The following TRHDE variants were observed in gnomAD, a reference collection of about 807,000 sequenced individuals.
TRHDE encodes the protein thyrotropin releasing hormone degrading enzyme, also known as thyrotropin-releasing hormone-degrading ectoenzyme.
TRHDE carries 72 observed loss-of-function variants against 125.7 expected under a neutral mutation model. The ratio of observed to expected loss-of-function variants is 0.57; its 90% confidence interval spans 0.47 to 0.70. The LOEUF is 0.70. Among genes scored for constraint, TRHDE ranks in the 30% least tolerant of loss-of-function variants. The probability of loss-of-function intolerance (pLI) is 0.00; values close to 1 mark genes in which losing one functional copy is unlikely to be tolerated. For missense variants in TRHDE, 1,110 were observed against 1,327.1 expected (o/e 0.84, Z 2.54); for synonymous variants, 509 against 509.1 (o/e 1.00, Z 0.00).
intron 3 of TRHDE, among the ~76,000 whole-genome samples, chr12:72,401,558 A>C (rs1049802041): frequency 1.3e-5 from 2 of 152,244 alleles, no homozygotes; most frequent in African/African-American, 2.4e-5. Context: ...AATTAAAATG[A>C]ACAAGTTCAC....
At position 72,568,624 on chromosome 12, in the gene TRHDE, C is replaced by T. The variant is rs1278436784; in HGVS notation, c.2099C>T (p.Ser700Leu). 12 of 1,611,382 alleles carry T rather than the reference C, an allele frequency of 7.4e-6. No individual in the cohort carries two copies. Among genetic ancestry groups the T allele is most frequent in the Non-Finnish European group, 8.5e-6 (10 of 1,178,274 alleles). Residue 700 changes from serine to leucine, a missense_variant, in exon 10 of 19, where the codon TCA becomes TTA. Physicochemically the swap from Ser to Leu is moderately radical, Grantham distance 145 (BLOSUM62 -2). Coordinates refer to ENST00000261180, the MANE Select transcript of TRHDE (RefSeq NM_013381.3). ...GTAGGAAATAGAAGCCATGTGTCTT[C>T]AGAAGCAATTATTTGGGTGTCTAAC... ...IVVGNRSHVS[S>L]EAIIWVSNKS...
intron 2 of TRHDE, among the ~76,000 whole-genome samples, chr12:72,348,607 C>G (rs1870440533): frequency 6.6e-6 from 1 of 151,976 alleles, no homozygotes; most frequent in Admixed American, 6.6e-5. Flanking sequence ...GAAGCTAGGA[C>G]TTCTTTCCCA....
chr12:72,403,298 T>G (rs1326722559), intron 3 of TRHDE, among the ~76,000 whole-genome samples: 3 of 152,204 alleles, frequency 2.0e-5, no homozygotes, highest in African/African-American at 4.8e-5. Flanking sequence ...GAAGGTGATG[T>G]GAGAAATACA....
At chr12:72,181,696 C>A (rs1877099649) in intron 2 of TRHDE, among the ~76,000 whole-genome samples, 1 of 151,956 alleles carries the variant, frequency 6.6e-6, no homozygotes, top group Non-Finnish European at 1.5e-5. Flanking sequence ...AGACTAGTTT[C>A]TACAATCATT....
At chr12:72,544,779 T>C (rs887184649) in intron 7 of TRHDE, among the ~76,000 whole-genome samples, 1 of 151,590 alleles carries the variant, frequency 6.6e-6, no homozygotes, top group Non-Finnish European at 1.5e-5. Flanking sequence ...TATATGTGTG[T>C]GTGTATATGT....
intron 3 of TRHDE, among the ~76,000 whole-genome samples, chr12:72,454,932 G>A (rs1875769439): frequency 6.6e-6 from 1 of 151,984 alleles, no homozygotes; most frequent in Non-Finnish European, 1.5e-5. Flanking sequence ...TATCCTTCAA[G>A]ATTTATTTGC....
intron 2 of TRHDE, among the ~76,000 whole-genome samples, chr12:72,145,680 C>T (rs932103722): frequency 2.0e-5 from 3 of 152,112 alleles, no homozygotes; most frequent in Non-Finnish European, 2.9e-5. Context: ...CTTCAAAGAC[C>T]GAATCCTTTC....
chr12:72,298,849 T>C (rs1419456189), intron 2 of TRHDE, among the ~76,000 whole-genome samples: 1 of 152,202 alleles, frequency 6.6e-6, no homozygotes, highest in Non-Finnish European at 1.5e-5. Flanking sequence ...TCTGTTTTCC[T>C]GTTTCATTAA....
intron 2 of TRHDE, among the ~76,000 whole-genome samples, chr12:72,129,770 CAA>C (rs768410905): frequency 2.0e-5 from 3 of 152,082 alleles, no homozygotes; most frequent in African/African-American, 2.4e-5. Context: ...ATAGACAACC[CAA>C]GAGAGGTCAG....
intron 6 of TRHDE, among the ~76,000 whole-genome samples, chr12:72,502,526 T>C (rs1238263785): frequency 6.6e-6 from 1 of 152,174 alleles, no homozygotes; most frequent in Non-Finnish European, 1.5e-5. Context: ...ATACTCTGTA[T>C]GTCTTGAATC....
At chr12:72,297,536 G>A (rs1880347741) in intron 2 of TRHDE, among the ~76,000 whole-genome samples, 1 of 152,162 alleles carries the variant, frequency 6.6e-6, no homozygotes, top group Admixed American at 6.5e-5. Context: ...GAACAGGTTG[G>A]GAGAATCTCT....
chr12:72,418,198 G>A (rs1046672502), intron 3 of TRHDE, among the ~76,000 whole-genome samples: 11 of 152,034 alleles, frequency 7.2e-5, no homozygotes, highest in African/African-American at 2.2e-4. Context: ...ATTCAGGCAT[G>A]AATCAAAGTT....
At chr12:72,575,585 C>G (rs1174570777) in intron 12 of TRHDE, 43 bp downstream of exon 12, 1 of 1,565,534 alleles carries the variant, frequency 6.4e-7, no homozygotes, top group African/African-American at 1.4e-5. Context: ...CTTGTGCCTG[C>G]AAGACTTCCT....
At chr12:72,572,696 A>G (rs1870803886) in intron 10 of TRHDE, among the ~76,000 whole-genome samples, 1 of 152,094 alleles carries the variant, frequency 6.6e-6, no homozygotes, top group African/African-American at 2.4e-5. Context: ...CTTAAGAACA[A>G]TAGAGGCCTG....
chr12:72,098,625 G>C (rs1019435847), intron 1 of TRHDE, among the ~76,000 whole-genome samples: 1 of 152,120 alleles, frequency 6.6e-6, no homozygotes, highest in Non-Finnish European at 1.5e-5. Context: ...GCTTCAAAAG[G>C]CCAGATACAT....
intron 2 of TRHDE, among the ~76,000 whole-genome samples, chr12:72,234,686 G>C (rs1878308124): frequency 6.6e-6 from 1 of 152,084 alleles, no homozygotes; most frequent in African/African-American, 2.4e-5. Flanking sequence ...TAGTAGAGGA[G>C]AGAAAATAAT....
chr12:72,309,825 G>A (rs1415203805), intron 2 of TRHDE: 2 of 152,206 alleles, frequency 1.3e-5, no homozygotes, highest in Non-Finnish European at 2.9e-5. Context: ...TAGAATGGTT[G>A]ATACTATGCT....
At chr12:72,132,165 G>A (rs546875793) in intron 2 of TRHDE, among the ~76,000 whole-genome samples, 94 of 152,228 alleles carry the variant, frequency 6.2e-4, no homozygotes, top group Non-Finnish European at 1.1e-3. Flanking sequence ...TGCAGCCTGC[G>A]CTACCTTAAG....
In TRHDE at chr12:72,542,473, T is replaced by A. The variant is rs116241510; in HGVS notation, c.1788+117T>A. 291 of 694,812 alleles carry A rather than the reference T, an allele frequency of 4.2e-4. 2 individuals carry two copies. The African/African-American group carries it at 4.2e-3, about 10-fold the overall frequency. The allele number at this position is 694,812 out of a possible 1,614,324, so 43.0% of individuals were successfully genotyped here. ...GGTGGAAAACTTTAAGATGTGTAAG[T>A]TAAGCAATGTCTTTCTATATGACAA... On this transcript the variant is annotated intron_variant, in intron 7 of 18. Coordinates refer to ENST00000261180, the MANE Select transcript of TRHDE (RefSeq NM_013381.3).
Sources: allele counts gnomAD v4.1 joint callset (sites outside exome capture counted in the v4.1 genomes callset), GRCh38; gene constraint gnomAD v4.1.1; transcripts MANE v1.5; gene names NCBI Gene and HGNC (gene_info 2026-07-23, HGNC 2026-07-21).